DOCK10: variants seen among roughly 807,000 people sequenced by gnomAD.
DOCK10 encodes the protein dedicator of cytokinesis 10, also known as dedicator of cytokinesis protein 10.
In DOCK10, 145 loss-of-function variants were observed where a neutral mutation model predicts 280.1. The ratio of observed to expected loss-of-function variants is 0.52; its 90% CI spans 0.45 to 0.59. The LOEUF is 0.59. DOCK10 is among the 20% of genes least tolerant of loss of function. The probability of loss-of-function intolerance (pLI) is 0.00; values close to 1 mark genes in which losing one functional copy is unlikely to be tolerated. For missense variants in DOCK10, 2,368 were observed against 2,651.7 expected (o/e 0.89, Z 2.35); for synonymous variants, 915 against 942.2 (o/e 0.97, Z 0.53).
chr2:224,950,600 G>A (rs889420680), intron 1 of DOCK10, among the ~76,000 whole-genome samples: 1 of 152,178 alleles, frequency 6.6e-6, no homozygotes, highest in African/African-American at 2.4e-5. Context: ...GAGGGAAAAA[G>A]GGTGGTAAGA....
intron 3 of DOCK10, among the ~76,000 whole-genome samples, chr2:224,904,290 TAGTG>T (rs1700465296): frequency 6.8e-6 from 1 of 146,684 alleles, no homozygotes; most frequent in South Asian, 2.1e-4. Flanking sequence ...AGACCTTCAT[TAGTG>T]AATGAAGAGC....
intron 2 of DOCK10, among the ~76,000 whole-genome samples, chr2:224,923,131 G>A (rs1248734522): frequency 2.6e-5 from 4 of 152,106 alleles, no homozygotes; most frequent in African/African-American, 9.7e-5. Flanking sequence ...TACCTGACTT[G>A]TGCTTTAAAG....
intron 1 of DOCK10, among the ~76,000 whole-genome samples, chr2:224,986,209 T>C (rs138771808): frequency 2.0e-5 from 3 of 152,292 alleles, no homozygotes; most frequent in East Asian, 1.9e-4. Context: ...TAACAGATGC[T>C]TGTCTTGTAA....
At chr2:224,947,636 C>T (rs1340019825) in intron 1 of DOCK10, among the ~76,000 whole-genome samples, 1 of 152,128 alleles carries the variant, frequency 6.6e-6, no homozygotes, top group Non-Finnish European at 1.5e-5. Flanking sequence ...GAGTTAGTTC[C>T]CTCATCTTTA....
intron 15 of DOCK10, among the ~76,000 whole-genome samples, chr2:224,856,450 T>C (rs996629587): frequency 1.3e-5 from 2 of 152,210 alleles, no homozygotes; most frequent in Admixed American, 6.5e-5. Context: ...GCCAGGATGT[T>C]TGATTACTTT....
At chr2:224,894,226 G>A (rs983248202) in intron 4 of DOCK10, among the ~76,000 whole-genome samples, 9 of 152,108 alleles carry the variant, frequency 5.9e-5, no homozygotes, top group Non-Finnish European at 5.9e-5. Context: ...AATAATGTCC[G>A]GGATTGGTTT....
intron 1 of DOCK10, among the ~76,000 whole-genome samples, chr2:225,019,317 A>G (rs1398786342): frequency 6.6e-6 from 1 of 152,024 alleles, no homozygotes; most frequent in African/African-American, 2.4e-5. Context: ...GAGAAATACC[A>G]CACTCCCCAA....
In DOCK10 at chr2:224,784,685, G is replaced by A. The variant is rs539371811; in HGVS notation, c.5655+2337C>T. The A allele has an allele frequency of 5.7e-5, 73 of 1,284,994 alleles. No individual in the cohort carries two copies. In the South Asian group the frequency reaches 8.8e-4, roughly 15 times the overall value. The allele number at this position is 1,284,994 out of a possible 1,614,324, so 79.6% of individuals were successfully genotyped here. On this transcript the variant is annotated intron_variant, in intron 50 of 55. Transcript: ENST00000258390. ...TCAGTAAAACCATACAGAGGGAAGT[G>A]TGAGGGGTGTTAGAGCATGCAAATG...
At chr2:225,029,240 C>T (rs1031662349) in intron 1 of DOCK10, among the ~76,000 whole-genome samples, 11 of 152,170 alleles carry the variant, frequency 7.2e-5, no homozygotes, top group Non-Finnish European at 1.3e-4. Context: ...GGCACAATCT[C>T]GGCTCACTGC....
rs540467669 is a variant in DOCK10, at chr2:224,770,018, CAG to C, written c.6444+191_6444+192del. Reference sequence around the variant, plus strand: ...TCTAGGTTCTCATAATCTTTTTCTACAGAGTTTCCCCCAGCCTGATCTCTGCT... The same window carrying C: ...TCTAGGTTCTCATAATCTTTTTCTACAGTTTCCCCCAGCCTGATCTCTGCT... On this transcript the variant is annotated intron_variant, in intron 55 of 55. Coordinates refer to ENST00000258390, the MANE Select transcript of DOCK10 (RefSeq NM_014689.3). This position sits in a 1 kb window ranked among gnomAD's most constrained non-coding sequence, Gnocchi z 4.5. 1.6e-4 allele frequency among the ~76,000 whole-genome samples: 25 copies of C among 152,212 alleles called. No homozygotes were observed. Among genetic ancestry groups the C allele is most frequent in the Non-Finnish European group, 3.4e-4 (23 of 68,038 alleles).
intron 4 of DOCK10, among the ~76,000 whole-genome samples, chr2:224,889,421 T>G (rs1699527987): frequency 6.6e-6 from 1 of 152,234 alleles, no homozygotes; most frequent in Non-Finnish European, 1.5e-5. Context: ...AAGAAGTGTT[T>G]TTTATTGTGA....
At chr2:224,872,533 G>T (rs1698357692) in intron 11 of DOCK10, among the ~76,000 whole-genome samples, 1 of 152,142 alleles carries the variant, frequency 6.6e-6, no homozygotes, top group South Asian at 2.1e-4. Flanking sequence ...TCTACACCTG[G>T]GGTAGGAGGC....
At chr2:224,875,548 T>A (rs1302033766) in intron 8 of DOCK10, among the ~76,000 whole-genome samples, 3 of 152,136 alleles carry the variant, frequency 2.0e-5, no homozygotes, top group East Asian at 1.9e-4. Context: ...AGAAAAAAAA[T>A]TTAATTTTAT....
At chr2:224,832,668 A>G (rs1254161660) in intron 26 of DOCK10, among the ~76,000 whole-genome samples, 1 of 152,182 alleles carries the variant, frequency 6.6e-6, no homozygotes, top group African/African-American at 2.4e-5. Context: ...AATATGAATG[A>G]ATCCCAGGCA....
intron 1 of DOCK10, among the ~76,000 whole-genome samples, chr2:225,035,573 T>G (rs1254940078): frequency 7.9e-4 from 35 of 44,136 alleles, no homozygotes; most frequent in African/African-American, 1.5e-3. Context: ...TATATATATA[T>G]ATATATATAT....
At chr2:224,862,586 C>CA in intron 14 of DOCK10, 78 bp downstream of exon 14, 1 of 1,209,880 alleles carries the variant, frequency 8.3e-7, no homozygotes. Context: ...ATAGGCAACA[C>CA]AAAAACGTTC....
chr2:224,782,095 T>C (rs1167741311), intron 50 of DOCK10, among the ~76,000 whole-genome samples: 1 of 152,164 alleles, frequency 6.6e-6, no homozygotes, highest in Non-Finnish European at 1.5e-5. Flanking sequence ...TCTTAGCATA[T>C]AAATCTGAAC....
At chr2:224,929,151 A>C (rs16866353) in intron 2 of DOCK10, among the ~76,000 whole-genome samples, 1 of 151,992 alleles carries the variant, frequency 6.6e-6, no homozygotes, top group Non-Finnish European at 1.5e-5. Context: ...GATTCTGCCT[A>C]GTTTTATTTT....
chr2:224,929,433 C>A (rs1274860909), intron 2 of DOCK10, among the ~76,000 whole-genome samples: 1 of 152,068 alleles, frequency 6.6e-6, no homozygotes, highest in African/African-American at 2.4e-5. Flanking sequence ...TGATCTTTTA[C>A]CCCAGTTGGG....
Sources: gnomAD v4.1 joint callset for allele counts (sites outside exome capture counted in the v4.1 genomes callset) on GRCh38, gnomAD v4.1.1 for gene constraint, Gnocchi (gnomAD v3.1) non-coding constraint, MANE v1.5 for transcripts, NCBI Gene and HGNC (gene_info 2026-07-23, HGNC 2026-07-21) for gene names.